Variants in AK5 observed in about 807,000 individuals in gnomAD.
AK5 encodes the protein adenylate kinase isoenzyme 5.
In AK5, 27 loss-of-function variants were observed where a neutral mutation model predicts 69.5. That is an observed-to-expected ratio of 0.39 (90% CI 0.29 to 0.54). AK5 has a LOEUF of 0.54. Ranked by LOEUF, AK5 falls within the 20% of genes least tolerant of loss-of-function variation. The pLI is 0.71. For missense variants in AK5, 531 were observed against 700.4 expected (o/e 0.76, Z 2.73); for synonymous variants, 260 against 244.4 (o/e 1.06, Z -0.60).
chr1:77,341,677 T>C (rs532500884), intron 6 of AK5, among the ~76,000 whole-genome samples: 1 of 152,352 alleles, frequency 6.6e-6, no homozygotes. Flanking sequence ...ATAATTTCTT[T>C]GCAATCTTTT....
intron 5 of AK5, among the ~76,000 whole-genome samples, chr1:77,324,010 A>AGCTGCT (rs956534495): frequency 1.3e-5 from 2 of 152,160 alleles, no homozygotes; most frequent in South Asian, 2.1e-4. Context: ...GGGTGAAAGC[A>AGCTGCT]GCTGCTGCTG....
At chr1:77,499,607 G>GT (rs1379968821) in intron 10 of AK5, among the ~76,000 whole-genome samples, 1 of 152,032 alleles carries the variant, frequency 6.6e-6, no homozygotes, top group Non-Finnish European at 1.5e-5. Flanking sequence ...GAACACCCTG[G>GT]TTTTTTTGGA....
At chr1:77,423,910 G>A (rs1021719737) in intron 8 of AK5, among the ~76,000 whole-genome samples, 1 of 152,102 alleles carries the variant, frequency 6.6e-6, no homozygotes, top group Non-Finnish European at 1.5e-5. Context: ...CTTTACCAGG[G>A]CATAACATTC....
intron 6 of AK5, among the ~76,000 whole-genome samples, chr1:77,377,355 T>C (rs568717529): frequency 8.7e-4 from 132 of 152,314 alleles, no homozygotes; most frequent in Non-Finnish European, 1.7e-3. Context: ...AAGATGCTTA[T>C]GTCAAAAACC....
intron 6 of AK5, among the ~76,000 whole-genome samples, chr1:77,386,214 A>C (rs565751416): frequency 1.3e-5 from 2 of 152,152 alleles, no homozygotes; most frequent in Non-Finnish European, 2.9e-5. Context: ...GCTGTGTGTG[A>C]AATTTAGAGA....
chr1:77,457,475 C>A (rs538357819), intron 8 of AK5, among the ~76,000 whole-genome samples: 3 of 152,218 alleles, frequency 2.0e-5, no homozygotes, highest in African/African-American at 7.2e-5. Context: ...TTGCTGCAGA[C>A]TTCCTTAACT....
At chr1:77,333,219 A>G (rs1170333468) in intron 5 of AK5, among the ~76,000 whole-genome samples, 1 of 152,150 alleles carries the variant, frequency 6.6e-6, no homozygotes, top group Non-Finnish European at 1.5e-5. Context: ...AACACCTCTG[A>G]GGCCCCACCT....
chr1:77,461,095 G>A lies in AK5; in HGVS notation c.1060-22222G>A, dbSNP rs755242694. 2.7e-4 allele frequency among the ~76,000 whole-genome samples: 40 copies of A among 147,810 alleles called. No homozygotes were observed. In the Middle Eastern group the frequency reaches 0.011, roughly 40 times the overall value. On this transcript the variant is annotated intron_variant, in intron 8 of 13. Coordinates refer to ENST00000354567, the MANE Select transcript of AK5 (RefSeq NM_174858.3). ...TTCGCCCAGGCTGGACTGCAGTGGT[G>A]CTATCTCGGCTCACTGCAAGCTCTG...
Position 77,297,664 on chromosome 1 carries a change from C to T in AK5, c.521C>T (p.Thr174Ile). The T allele has an allele frequency of 6.2e-7, 1 of 1,613,888 alleles. No individual in the cohort carries two copies. Among genetic ancestry groups the T allele is most frequent in the Non-Finnish European group, 8.5e-7 (1 of 1,179,902 alleles). Residue 174 changes from threonine (T) to isoleucine (I), a missense_variant, in exon 4 of 14, where the codon ACC becomes ATC. Physicochemically the swap from Thr to Ile is moderately conservative, Grantham distance 89. Transcript: ENST00000354567. ...TTATTAAGAAAGAAGATCCACAGTA[C>T]CAGCAGCAATAGGAAATGGAGTCTT... The part of the protein sequence containing the change: ...GELLRKKIHS[T>I]SSNRKWSLIA...
intron 13 of AK5, among the ~76,000 whole-genome samples, chr1:77,536,848 G>A (rs1658999442): frequency 6.6e-6 from 1 of 152,220 alleles, no homozygotes; most frequent in Non-Finnish European, 1.5e-5. Flanking sequence ...GGCCAGGAGA[G>A]CAGGTAATTA....
Position 77,297,731 on chromosome 1 carries a change from A to G in AK5, c.585+3A>G. On this transcript the variant is annotated splice_donor_region_variant and intron_variant, in intron 4 of 13. Transcript: ENST00000354567. ...CAACTGGAGAATTGGCCCCACAGGT[A>G]CTGCTGTATAATTATCTTTTATTCT... is the stretch of plus-strand genomic sequence containing the variant. The G allele has an allele frequency of 5.0e-6, 8 of 1,610,892 alleles. No homozygotes were observed. Among genetic ancestry groups the G allele is most frequent in the Non-Finnish European group, 5.9e-6 (7 of 1,179,036 alleles).
At chr1:77,304,256 A>G (rs1659506654) in intron 5 of AK5, among the ~76,000 whole-genome samples, 1 of 152,180 alleles carries the variant, frequency 6.6e-6, no homozygotes, top group Non-Finnish European at 1.5e-5. Context: ...TCCCACAAAT[A>G]AGTGAGAACA....
At chr1:77,381,856 A>AT (rs1201860867) in intron 6 of AK5, among the ~76,000 whole-genome samples, 1 of 152,214 alleles carries the variant, frequency 6.6e-6, no homozygotes, top group Non-Finnish European at 1.5e-5. Flanking sequence ...CCACATTGAC[A>AT]TGGAAGCAAC....
chr1:77,285,030 C>T (rs539022733), intron 1 of AK5, among the ~76,000 whole-genome samples: 1 of 152,212 alleles, frequency 6.6e-6, no homozygotes, highest in East Asian at 1.9e-4. Context: ...GCAACAGGTA[C>T]AGAGAAGAAC....
intron 6 of AK5, among the ~76,000 whole-genome samples, chr1:77,398,723 T>C (rs1045847600): frequency 1.3e-5 from 2 of 152,172 alleles, no homozygotes; most frequent in Admixed American, 6.5e-5. Flanking sequence ...CTTTACCAAG[T>C]CATTTCAAAG....
At position 77,517,371 on chromosome 1, in the gene AK5, G is replaced by C. The variant is rs934835722; in HGVS notation, c.1148-1193G>C. Among the ~76,000 whole-genome samples, 28 of 152,194 alleles carry C rather than the reference G, an allele frequency of 1.8e-4. 1 individual carries two copies. The highest frequency in any genetic ancestry group is 6.8e-4 in the African/African-American group (28 of 41,434). Reference sequence around the variant, plus strand: ...TGGCCAGGTCAATGTGGCCACAATGGGGAGGAGAGAAGGGAACACCTCTGA... The same window carrying C: ...TGGCCAGGTCAATGTGGCCACAATGCGGAGGAGAGAAGGGAACACCTCTGA... On this transcript the variant is annotated intron_variant, in intron 10 of 13. Transcript: ENST00000354567.
At position 77,282,327 on chromosome 1, in the gene AK5, A is replaced by C. The variant is rs1658105568; in HGVS notation, c.14A>C (p.Asp5Ala). The change falls in exon 1 of 14, where the codon GAT becomes GCT. Residue 5 changes from aspartate (D) to alanine (A), a missense_variant. Physicochemically the swap from Asp to Ala is moderately radical, Grantham distance 126. Coordinates refer to ENST00000354567, the MANE Select transcript of AK5 (RefSeq NM_174858.3). The stretch of plus-strand genomic sequence containing the variant: ...CGCGGCACAGCCATGAACACCAACG[A>C]TGCCAAGGAGTATCTGGCCCGGAGG... MNTN[D>A]AKEYLARREI... 1.9e-6 allele frequency: 3 copies of C among 1,562,774 alleles called. No individual in the cohort carries two copies. The highest frequency in any genetic ancestry group is 2.6e-6 in the Non-Finnish European group (3 of 1,153,706).
At chr1:77,292,601 G>A (rs183476310) in intron 2 of AK5, among the ~76,000 whole-genome samples, 1 of 152,108 alleles carries the variant, frequency 6.6e-6, no homozygotes. Context: ...TAAAGAAGAG[G>A]GAGCCATAAA....
chr1:77,521,828 G>T lies in AK5; in HGVS notation c.1313G>T (p.Gly438Val), dbSNP rs1314426720. 1 of 1,612,372 alleles carries T rather than the reference G, an allele frequency of 6.2e-7. No individual in the cohort carries two copies. Among genetic ancestry groups the T allele is most frequent in the Admixed American group, 1.7e-5 (1 of 59,960 alleles). The change falls in exon 12 of 14, where the codon GGC becomes GTC. Residue 438 changes from glycine to valine, a missense_variant and splice_region_variant. Transcript: ENST00000354567. ...CTGACCACTCTCGCTTTGCTCCAGG[G>T]CATCGTTTTGGAGCTCCTGAAGGAG... ...IMERGDLVPS[G>V]IVLELLKEAM...
Sources: gnomAD v4.1 joint callset for allele counts (sites outside exome capture counted in the v4.1 genomes callset) on GRCh38, gnomAD v4.1.1 for gene constraint, MANE v1.5 for transcripts, NCBI Gene and HGNC (gene_info 2026-07-23, HGNC 2026-07-21) for gene names.